NMNAT2: variants seen among roughly 807,000 people sequenced by gnomAD.
The protein encoded by NMNAT2 is nicotinamide/nicotinic acid mononucleotide adenylyltransferase 2.
A neutral mutation model predicts 41.6 loss-of-function variants in NMNAT2; 11 were observed. That is an observed-to-expected ratio of 0.26 (90% CI 0.17 to 0.44). The LOEUF (loss-of-function observed/expected upper bound fraction) is 0.44. NMNAT2 is among the 20% of genes least tolerant of loss of function. The pLI, the probability that NMNAT2 is intolerant of heterozygous loss-of-function variation, is 1.00. For missense variants in NMNAT2, 288 were observed against 407.7 expected (o/e 0.71, Z 2.53); for synonymous variants, 148 against 151.2 (o/e 0.98, Z 0.16).
chr1:183,412,006 A>G (rs1649130433), intron 1 of NMNAT2, among the ~76,000 whole-genome samples: 1 of 152,212 alleles, frequency 6.6e-6, no homozygotes, highest in African/African-American at 2.4e-5. Flanking sequence ...CTCTAAGGCC[A>G]AAGCAAAGAT....
chr1:183,271,693 C>T (rs1398313995), intron 8 of NMNAT2, among the ~76,000 whole-genome samples: 1 of 152,072 alleles, frequency 6.6e-6, no homozygotes, highest in Admixed American at 6.6e-5. Flanking sequence ...TTATCCTGGG[C>T]ACTTAATAAG....
chr1:183,410,250 G>C (rs1182623696), intron 1 of NMNAT2, among the ~76,000 whole-genome samples: 1 of 151,978 alleles, frequency 6.6e-6, no homozygotes, highest in Admixed American at 6.6e-5. Flanking sequence ...TTTAACCCGG[G>C]AGGTGGAGGT....
intron 1 of NMNAT2, among the ~76,000 whole-genome samples, chr1:183,362,208 G>A (rs1392143895): frequency 6.6e-6 from 1 of 152,124 alleles, no homozygotes; most frequent in African/African-American, 2.4e-5. Flanking sequence ...CAAAGTGCTA[G>A]GATTACGGGC....
At chr1:183,401,407 A>G (rs1648804340) in intron 1 of NMNAT2, among the ~76,000 whole-genome samples, 1 of 152,188 alleles carries the variant, frequency 6.6e-6, no homozygotes, top group Admixed American at 6.5e-5. Flanking sequence ...TTAAAAAGTC[A>G]GGAAACAACA....
chr1:183,385,099 G>A (rs866443921), intron 1 of NMNAT2, among the ~76,000 whole-genome samples: 1 of 151,824 alleles, frequency 6.6e-6, no homozygotes, highest in Admixed American at 6.6e-5. Context: ...CAACTTGGGA[G>A]GCTCAGGCAG....
intron 1 of NMNAT2, among the ~76,000 whole-genome samples, chr1:183,366,053 C>A (rs994211178): frequency 1.3e-5 from 2 of 152,196 alleles, no homozygotes; most frequent in African/African-American, 4.8e-5. Flanking sequence ...TATACCACTA[C>A]ACCCTGGGGT....
intron 1 of NMNAT2, among the ~76,000 whole-genome samples, chr1:183,410,901 A>G (rs1000914864): frequency 2.0e-5 from 3 of 151,974 alleles, no homozygotes; most frequent in African/African-American, 7.2e-5. Context: ...AAATTTTTGT[A>G]GAGATGGGGT....
intron 1 of NMNAT2, among the ~76,000 whole-genome samples, chr1:183,410,242 T>C (rs1177115373): frequency 6.6e-6 from 1 of 151,506 alleles, no homozygotes; most frequent in Non-Finnish European, 1.5e-5. Context: ...AGAATCACTT[T>C]AACCCGGGAG....
At chr1:183,304,188 C>T (rs1661937816) in intron 1 of NMNAT2, among the ~76,000 whole-genome samples, 2 of 152,080 alleles carry the variant, frequency 1.3e-5, no homozygotes. Context: ...GACAAAGGAA[C>T]AGGAAGTAGT....
chr1:183,370,978 T>C (rs2101910936), intron 1 of NMNAT2, among the ~76,000 whole-genome samples: 1 of 152,302 alleles, frequency 6.6e-6, no homozygotes, highest in East Asian at 1.9e-4. Flanking sequence ...AAATGCATGG[T>C]GCCTGACCAC....
chr1:183,266,768 C>A, intron 8 of NMNAT2: 1 of 216,606 alleles, frequency 4.6e-6, no homozygotes, highest in South Asian at 5.9e-5. Flanking sequence ...TACTGAAGAT[C>A]TCCAGGGCAA....
chr1:183,409,943 T>C (rs186668814), intron 1 of NMNAT2, among the ~76,000 whole-genome samples: 17 of 152,286 alleles, frequency 1.1e-4, no homozygotes, highest in African/African-American at 3.4e-4. Flanking sequence ...TGTACAGCAA[T>C]AGAATTTCTC....
At chr1:183,383,046 T>C (rs1663835494) in intron 1 of NMNAT2, among the ~76,000 whole-genome samples, 1 of 152,246 alleles carries the variant, frequency 6.6e-6, no homozygotes, top group Non-Finnish European at 1.5e-5. Flanking sequence ...CATCCTTGCA[T>C]GTCTGTATAT....
chr1:183,304,720 T>C (rs1661956090), intron 1 of NMNAT2: 1 of 1,613,976 alleles, frequency 6.2e-7, no homozygotes, highest in Non-Finnish European at 8.5e-7. Context: ...CTGAATTTCC[T>C]CTAGTTCCTG....
intron 1 of NMNAT2, among the ~76,000 whole-genome samples, chr1:183,331,485 G>T (rs1343337768): frequency 6.6e-6 from 1 of 152,190 alleles, no homozygotes; most frequent in Admixed American, 6.5e-5. Context: ...CTCCAACAAG[G>T]GGCAGCCAAG....
chr1:183,384,053 G>A lies in NMNAT2; in HGVS notation c.85+34130C>T, dbSNP rs143192556. ...GACTGGGTAGTTTATAAAGAAAAGA[G>A]GTTTTATTGGCTCATGGTTCCACAG... On this transcript the variant is annotated intron_variant, in intron 1 of 10. Coordinates refer to ENST00000287713, the MANE Select transcript of NMNAT2 (RefSeq NM_015039.4). Among the ~76,000 whole-genome samples, 783 of 152,266 alleles carry A rather than the reference G, an allele frequency of 5.1e-3. 10 individuals carry two copies. Among genetic ancestry groups the A allele is most frequent in the African/African-American group, 0.018 (740 of 41,534 alleles).
At chr1:183,387,246 T>TG (rs1648273332) in intron 1 of NMNAT2, among the ~76,000 whole-genome samples, 1 of 151,742 alleles carries the variant, frequency 6.6e-6, no homozygotes, top group South Asian at 2.1e-4. Flanking sequence ...TGTGTTTTTT[T>TG]TTTTTGCCTG....
intron 1 of NMNAT2, among the ~76,000 whole-genome samples, chr1:183,305,890 T>G (rs1027849463): frequency 6.6e-6 from 1 of 152,026 alleles, no homozygotes; most frequent in African/African-American, 2.4e-5. Flanking sequence ...CCGGCCAATT[T>G]TTTGTATTTT....
At chr1:183,286,581 G>C in intron 5 of NMNAT2, 81 bp downstream of exon 5, 1 of 1,245,900 alleles carries the variant, frequency 8.0e-7, no homozygotes, top group Non-Finnish European at 1.1e-6. Context: ...TCAAGTTCTG[G>C]GTGGATCCCA....
Sources: gnomAD v4.1 joint callset for allele counts (sites outside exome capture counted in the v4.1 genomes callset) on GRCh38, gnomAD v4.1.1 for gene constraint, MANE v1.5 for transcripts, NCBI Gene and HGNC (gene_info 2026-07-23, HGNC 2026-07-21) for gene names.